Variants in DPP6 observed in about 807,000 individuals in gnomAD.
DPP6 encodes dipeptidyl peptidase like 6, also known as A-type potassium channel modulatory protein DPP6.
DPP6 carries 69 observed loss-of-function variants against 122.6 expected under a neutral mutation model. That is an observed-to-expected ratio of 0.56 (90% CI 0.46 to 0.69). The LOEUF (loss-of-function observed/expected upper bound fraction) is 0.69, where lower values mean the gene tolerates loss of function less well. DPP6 is among the 30% of genes least tolerant of loss of function. DPP6 has a pLI of 0.00. For missense variants in DPP6, 928 were observed against 1,116.9 expected, an observed-to-expected ratio of 0.83 and a Z score of 2.41; for synonymous variants, 418 against 433.1, an observed-to-expected ratio of 0.97 and a Z score of 0.43.
chr7:153,908,539 C>G (rs995740603), intron 1 of DPP6, among the ~76,000 whole-genome samples: 4 of 152,098 alleles, frequency 2.6e-5, no homozygotes, highest in African/African-American at 9.7e-5. Flanking sequence ...GGCACACAGT[C>G]TGATAAGAGA....
chr7:154,387,954 A>C (rs1814262726), intron 1 of DPP6, among the ~76,000 whole-genome samples: 1 of 151,172 alleles, frequency 6.6e-6, no homozygotes, highest in African/African-American at 2.4e-5. Context: ...TTTTTTTTTC[A>C]ACTGTTGTAC....
intron 5 of DPP6, among the ~76,000 whole-genome samples, chr7:154,579,317 A>C (rs527371346): frequency 2.0e-5 from 3 of 152,258 alleles, no homozygotes; most frequent in Admixed American, 2.0e-4. Context: ...CCACTGCACT[A>C]CCGCCTGGGC....
intron 5 of DPP6, among the ~76,000 whole-genome samples, chr7:154,578,357 A>AT (rs1831819351): frequency 6.6e-6 from 1 of 152,246 alleles, no homozygotes; most frequent in South Asian, 2.1e-4. Flanking sequence ...TTCACAAACA[A>AT]TAGGTTTTCA....
intron 1 of DPP6, among the ~76,000 whole-genome samples, chr7:154,065,704 C>T (rs1388758056): frequency 6.6e-6 from 1 of 152,114 alleles, no homozygotes; most frequent in Non-Finnish European, 1.5e-5. Context: ...GCCTGTCACC[C>T]AGCCCCTAGA....
intron 7 of DPP6, among the ~76,000 whole-genome samples, chr7:154,675,449 A>T (rs1007716511): frequency 6.6e-6 from 1 of 152,172 alleles, no homozygotes; most frequent in Non-Finnish European, 1.5e-5. Context: ...CTGGACTCCC[A>T]AAGATGTTCC....
intron 5 of DPP6, among the ~76,000 whole-genome samples, chr7:154,585,548 G>C (rs533615743): frequency 2.4e-4 from 36 of 152,198 alleles, no homozygotes; most frequent in Non-Finnish European, 4.3e-4. Flanking sequence ...CAGAACCCCC[G>C]TGGGTACCAA....
chr7:154,234,504 T>G (rs1801088085), intron 1 of DPP6, among the ~76,000 whole-genome samples: 1 of 152,160 alleles, frequency 6.6e-6, no homozygotes, highest in South Asian at 2.1e-4. Context: ...TAGACTTTGC[T>G]CCAAGCCTCT....
At chr7:154,007,691 G>A (rs1344708769) in intron 1 of DPP6, among the ~76,000 whole-genome samples, 3 of 152,054 alleles carry the variant, frequency 2.0e-5, no homozygotes, top group Non-Finnish European at 4.4e-5. Context: ...CATCTCAATA[G>A]CTTAACCAAA....
intron 6 of DPP6, among the ~76,000 whole-genome samples, chr7:154,656,503 G>A (rs1837261061): frequency 6.6e-6 from 1 of 152,142 alleles, no homozygotes; most frequent in Non-Finnish European, 1.5e-5. Flanking sequence ...CCCAGCACGG[G>A]GAGGCCACGG....
the DPP6 span, among the ~76,000 whole-genome samples, chr7:153,782,078 T>C: frequency 1.3e-5 from 2 of 150,350 alleles, no homozygotes; most frequent in Non-Finnish European, 3.0e-5. Flanking sequence ...GACACCATGG[T>C]TTTCTCTTCA....
chr7:153,849,378 TGTC>T, the DPP6 span, among the ~76,000 whole-genome samples: 1 of 152,086 alleles, frequency 6.6e-6, no homozygotes, highest in Non-Finnish European at 1.5e-5. Flanking sequence ...CTGCTGAAGA[TGTC>T]GTCCTTGCTG....
intron 1 of DPP6, among the ~76,000 whole-genome samples, chr7:154,328,257 G>A (rs1393263380): frequency 1.3e-5 from 2 of 152,182 alleles, no homozygotes; most frequent in African/African-American, 4.8e-5. Flanking sequence ...TGGCCTCCTA[G>A]AGAAATAGTC....
intron 5 of DPP6, among the ~76,000 whole-genome samples, chr7:154,583,851 G>A (rs754269589): frequency 1.8e-4 from 27 of 152,128 alleles, no homozygotes; most frequent in Non-Finnish European, 1.6e-4. Flanking sequence ...GATCTCATCC[G>A]TTTAATCCCA....
chr7:153,825,348 C>G, the DPP6 span, among the ~76,000 whole-genome samples: 134,798 of 152,020 alleles, frequency 0.89, 59,904 homozygotes, highest in African/African-American at 0.94. Flanking sequence ...CTTGCTCCTT[C>G]CATTCCTATT....
the DPP6 span, among the ~76,000 whole-genome samples, chr7:153,794,977 C>A: frequency 1.3e-5 from 2 of 152,160 alleles, no homozygotes; most frequent in African/African-American, 4.8e-5. Flanking sequence ...TCCAATTAAA[C>A]CTCCTTTTCT....
intron 1 of DPP6, among the ~76,000 whole-genome samples, chr7:153,925,342 C>T (rs1772649678): frequency 6.6e-6 from 1 of 151,798 alleles, no homozygotes. Context: ...AGAGATCATC[C>T]TGCATGGTTG....
At chr7:153,867,564 G>A in the DPP6 span, among the ~76,000 whole-genome samples, 3 of 152,216 alleles carry the variant, frequency 2.0e-5, no homozygotes, top group Non-Finnish European at 4.4e-5. Flanking sequence ...AGACAATGGG[G>A]TTTTCTAGAT....
chr7:153,910,046 G>T (rs569408697), intron 1 of DPP6, among the ~76,000 whole-genome samples: 1 of 152,130 alleles, frequency 6.6e-6, no homozygotes, highest in East Asian at 1.9e-4. Flanking sequence ...ATGTCTCTGG[G>T]TTTCGAGTAT....
intron 3 of DPP6, among the ~76,000 whole-genome samples, chr7:154,478,887 A>C (rs1352417788): frequency 6.6e-6 from 1 of 152,216 alleles, no homozygotes; most frequent in Non-Finnish European, 1.5e-5. Flanking sequence ...CAAAGTTACA[A>C]AATACGCAAG....
Sources: gnomAD v4.1 joint callset for allele counts (sites outside exome capture counted in the v4.1 genomes callset) on GRCh38, gnomAD v4.1.1 for gene constraint, MANE v1.5 for transcripts, NCBI Gene and HGNC (gene_info 2026-07-23, HGNC 2026-07-21) for gene names.